The following BCKDHB variants were observed in gnomAD, a reference collection of about 807,000 sequenced individuals.
BCKDHB encodes the protein 2-oxoisovalerate dehydrogenase subunit beta, mitochondrial.
A neutral mutation model predicts 48.5 loss-of-function variants in BCKDHB; 41 were observed. The ratio of observed to expected loss-of-function variants is 0.85; its 90% CI spans 0.66 to 1.10. The LOEUF (loss-of-function observed/expected upper bound fraction) is 1.10, where lower values mean the gene tolerates loss of function less well. Among genes scored for constraint, BCKDHB ranks in the 50% least tolerant of loss-of-function variants. The pLI is 0.00. For missense variants in BCKDHB, 496 were observed against 494.2 expected (o/e 1.00, Z -0.03); for synonymous variants, 201 against 174.8 (o/e 1.15, Z -1.18).
intron 9 of BCKDHB, among the ~76,000 whole-genome samples, chr6:80,305,287 CTT>C (rs1418558782): frequency 7.9e-5 from 12 of 151,922 alleles, no homozygotes; most frequent in Non-Finnish European, 1.5e-5. Flanking sequence ...AAAATTATGA[CTT>C]AAAATAATTA....
chr6:80,171,575 G>C (rs1434804846), intron 6 of BCKDHB, among the ~76,000 whole-genome samples, 185 bp downstream of exon 6: 1 of 151,806 alleles, frequency 6.6e-6, no homozygotes, highest in African/African-American at 2.4e-5. Flanking sequence ...AATTCATCTA[G>C]CCATTTTATA....
chr6:80,231,796 C>T (rs1015489320), intron 8 of BCKDHB, among the ~76,000 whole-genome samples: 2 of 152,188 alleles, frequency 1.3e-5, no homozygotes, highest in Non-Finnish European at 2.9e-5. Flanking sequence ...GAAACCCCGT[C>T]TCTACTAAAG....
At chr6:80,399,585 A>C in the BCKDHB span, among the ~76,000 whole-genome samples, 1 of 152,138 alleles carries the variant, frequency 6.6e-6, no homozygotes, top group East Asian at 1.9e-4. Flanking sequence ...CATTGCTCAA[A>C]GAAATCACAG....
the BCKDHB span, among the ~76,000 whole-genome samples, chr6:80,353,724 G>A: frequency 1.3e-5 from 2 of 152,138 alleles, no homozygotes. Flanking sequence ...GTGGTGACAC[G>A]TGCCTGTAGT....
At chr6:80,135,104 C>G (rs1261120804) in intron 3 of BCKDHB, among the ~76,000 whole-genome samples, 2 of 152,032 alleles carry the variant, frequency 1.3e-5, no homozygotes, top group Non-Finnish European at 1.5e-5. Flanking sequence ...TCTTTGCTCT[C>G]TTATATATTT....
At chr6:80,133,213 C>A (rs1047111462) in intron 3 of BCKDHB, among the ~76,000 whole-genome samples, 22 of 152,154 alleles carry the variant, frequency 1.4e-4, no homozygotes, top group African/African-American at 5.3e-4. Context: ...ATTTTATATT[C>A]CATCAGAAGG....
chr6:80,322,283 G>A (rs1768779372), intron 9 of BCKDHB, among the ~76,000 whole-genome samples: 1 of 138,766 alleles, frequency 7.2e-6, no homozygotes, highest in South Asian at 2.3e-4. Flanking sequence ...TTGTTGCCCA[G>A]GCTGGAGTGC....
the BCKDHB span, among the ~76,000 whole-genome samples, chr6:80,455,858 C>A: frequency 1.9e-4 from 29 of 152,230 alleles, no homozygotes; most frequent in East Asian, 5.6e-3. Context: ...AAAAAGAAGA[C>A]CATTGACGTT....
the BCKDHB span, chr6:80,440,580 C>G: frequency 6.6e-6 from 1 of 151,566 alleles, no homozygotes; most frequent in Non-Finnish European, 1.5e-5. Context: ...TGTTTGTTAA[C>G]TAAAGATGTA....
chr6:80,202,050 T>C (rs1774421161), intron 7 of BCKDHB, among the ~76,000 whole-genome samples: 1 of 152,112 alleles, frequency 6.6e-6, no homozygotes. Flanking sequence ...GCAAACCTTT[T>C]TGCTATCCTT....
intron 9 of BCKDHB, among the ~76,000 whole-genome samples, chr6:80,343,165 T>C (rs2874851): frequency 0.78 from 118,150 of 152,114 alleles, 46,259 homozygotes; most frequent in Admixed American, 0.84. Flanking sequence ...CTGCAAAAGC[T>C]AGACTATGAG....
At chr6:80,379,068 G>C in the BCKDHB span, among the ~76,000 whole-genome samples, 1 of 151,992 alleles carries the variant, frequency 6.6e-6, no homozygotes, top group Non-Finnish European at 1.5e-5. Flanking sequence ...TTAAGGAGTA[G>C]GGATGTCTCC....
chr6:80,265,457 C>T (rs1339751850), intron 8 of BCKDHB, among the ~76,000 whole-genome samples: 1 of 152,016 alleles, frequency 6.6e-6, no homozygotes, highest in Admixed American at 6.6e-5. Flanking sequence ...CACAAGATGA[C>T]AAATATTGTA....
Position 80,273,092 on chromosome 6 carries a change from A to G in BCKDHB, c.952-43A>G, listed in dbSNP as rs1258834396. 4 of 1,428,226 alleles carry G rather than the reference A, an allele frequency of 2.8e-6. No individual in the cohort carries two copies. In the South Asian group the frequency reaches 4.6e-5, roughly 17 times the overall value. The allele number at this position is 1,428,226 out of a possible 1,614,324, so 88.5% of individuals were successfully genotyped here. ...TTAAAACTACCATCATATATATAAA[A>G]TAGATATTCTTTTTAACATCAGGTT... On this transcript the variant is annotated intron_variant, in intron 8 of 9. Coordinates refer to ENST00000320393, the MANE Select transcript of BCKDHB (RefSeq NM_183050.4).
the BCKDHB span, among the ~76,000 whole-genome samples, chr6:80,424,843 A>C: frequency 2.0e-5 from 3 of 152,270 alleles, no homozygotes; most frequent in East Asian, 3.9e-4. Context: ...TTCAGGAGTT[A>C]ATGGTGCCAT....
intron 3 of BCKDHB, among the ~76,000 whole-genome samples, chr6:80,158,454 T>G (rs1772158146): frequency 6.6e-6 from 1 of 152,158 alleles, no homozygotes; most frequent in Admixed American, 6.5e-5. Context: ...TGTTGTAGGA[T>G]AATTATAATT....
the BCKDHB span, among the ~76,000 whole-genome samples, chr6:80,449,052 C>G: frequency 6.6e-6 from 1 of 152,160 alleles, no homozygotes; most frequent in Non-Finnish European, 1.5e-5. Context: ...ACCTAATCCT[C>G]AAATTTCCCC....
At chr6:80,131,844 T>G (rs1770645447) in intron 3 of BCKDHB, among the ~76,000 whole-genome samples, 1 of 151,984 alleles carries the variant, frequency 6.6e-6, no homozygotes, top group Non-Finnish European at 1.5e-5. Context: ...AATTTCACTG[T>G]GTTGGTCAGG....
intron 8 of BCKDHB, among the ~76,000 whole-genome samples, chr6:80,248,172 A>G (rs1776691086): frequency 6.6e-6 from 1 of 152,074 alleles, no homozygotes; most frequent in African/African-American, 2.4e-5. Context: ...ATAAAGCTTG[A>G]TTTTTAATTG....
Sources: gnomAD v4.1 joint callset for allele counts (sites outside exome capture counted in the v4.1 genomes callset) on GRCh38, gnomAD v4.1.1 for gene constraint, MANE v1.5 for transcripts, NCBI Gene and HGNC (gene_info 2026-07-23, HGNC 2026-07-21) for gene names.